The following GPC4 variants were observed in gnomAD, a reference collection of about 807,000 sequenced individuals.
GPC4 encodes glypican 4, also known as glypican-4.
A neutral mutation model predicts 35.0 loss-of-function variants in GPC4; 10 were observed. The observed-to-expected ratio is 0.29, with a 90% CI of 0.18 to 0.48. The LOEUF (loss-of-function observed/expected upper bound fraction) is 0.48. GPC4 is among the 20% of genes least tolerant of loss of function. GPC4 has a pLI of 0.99. For synonymous variants in GPC4, 167 were observed against 170.2 expected, an observed-to-expected ratio of 0.98 and a Z score of 0.15; for missense variants, 322 against 451.3, an observed-to-expected ratio of 0.71 and a Z score of 2.60.
intron 1 of GPC4, among the ~76,000 whole-genome samples, chrX:133,387,249 C>CAG (rs2068695510): frequency 8.9e-6 from 1 of 112,034 alleles, no homozygotes; most frequent in African/African-American, 3.2e-5. Flanking sequence ...TTTGGTCTCC[C>CAG]AGTATTTCCT....
chrX:133,406,279 T>A (rs757499899), intron 1 of GPC4, among the ~76,000 whole-genome samples: 8 of 112,478 alleles, frequency 7.1e-5, no homozygotes, highest in Non-Finnish European at 1.1e-4. Context: ...CAGTTGTGGT[T>A]CACACTTATA....
intron 1 of GPC4, among the ~76,000 whole-genome samples, chrX:133,394,921 G>T (rs186159393): frequency 9.0e-6 from 1 of 111,646 alleles, no homozygotes; most frequent in Non-Finnish European, 1.9e-5. Flanking sequence ...TGTCATTTAC[G>T]TAACAGCCTC....
intron 7 of GPC4, among the ~76,000 whole-genome samples, chrX:133,304,160 C>A (rs1201482375): frequency 9.2e-6 from 1 of 108,492 alleles, no homozygotes; most frequent in Non-Finnish European, 1.9e-5. Context: ...ATTAGCCAGG[C>A]ATGGTGGCAG....
intron 7 of GPC4, among the ~76,000 whole-genome samples, chrX:133,303,903 GAGGAAGGAAGGAAGGAAGGA>G (rs59442838): frequency 4.0e-5 from 3 of 75,409 alleles, no homozygotes; most frequent in African/African-American, 5.7e-5. Flanking sequence ...TACTCTGTTG[GAGGAAGGAAGGAAGGAAGGA>G]AGGAAGGAAG....
intron 3 of GPC4, among the ~76,000 whole-genome samples, chrX:133,316,207 T>C (rs1848465342): frequency 8.9e-6 from 1 of 111,901 alleles, no homozygotes; most frequent in Admixed American, 9.5e-5. Flanking sequence ...CTATTCTCAG[T>C]ACTCTACATG....
Position 133,347,248 on chromosome X carries a change from G to GTTTTTTTTTTT in GPC4, c.161-7918_161-7908dup, listed in dbSNP as rs763800349. ...TAAATCTAAAACTCTTCTATTAGAA[G>GTTTTTTTTTTT]TTTTTTTTTTTTTTTTTTTTTTTTT... is the stretch of plus-strand genomic sequence containing the variant. On this transcript the variant is annotated intron_variant, in intron 1 of 8. Coordinates refer to ENST00000370828, the MANE Select transcript of GPC4 (RefSeq NM_001448.3). Among the ~76,000 whole-genome samples the GTTTTTTTTTTT allele has an allele frequency of 3.5e-4, 9 of 25,426 alleles. 1 individual carries two copies. Among genetic ancestry groups the GTTTTTTTTTTT allele is most frequent in the African/African-American group, 1.1e-3 (8 of 7,192 alleles). 22.1% of individuals were successfully genotyped at this position (25,426 alleles called of 115,157 possible).
chrX:133,407,088 AT>A (rs759488295), intron 1 of GPC4, among the ~76,000 whole-genome samples: 4 of 105,245 alleles, frequency 3.8e-5, no homozygotes, highest in African/African-American at 1.5e-4. Flanking sequence ...AAAAAAAAAA[AT>A]ACACACACAC....
chrX:133,348,478 C>A (rs1288120972), intron 1 of GPC4, among the ~76,000 whole-genome samples: 1 of 112,662 alleles, frequency 8.9e-6, no homozygotes, highest in Non-Finnish European at 1.9e-5. Context: ...AAAAGGCTCA[C>A]AGAAGTGTGC....
chrX:133,388,610 C>A (rs956444597), intron 1 of GPC4, among the ~76,000 whole-genome samples: 1 of 108,319 alleles, frequency 9.2e-6, no homozygotes, highest in Non-Finnish European at 1.9e-5. Context: ...TCTCGGCTCA[C>A]GGCAAGCTCC....
intron 3 of GPC4, among the ~76,000 whole-genome samples, chrX:133,312,215 G>A (rs973253125): frequency 3.6e-5 from 4 of 111,164 alleles, no homozygotes; most frequent in African/African-American, 9.8e-5. Context: ...AAACCTGTAG[G>A]AGAGTACAGG....
intron 1 of GPC4, among the ~76,000 whole-genome samples, chrX:133,344,389 C>A (rs2068483287): frequency 9.3e-6 from 1 of 106,996 alleles, no homozygotes; most frequent in African/African-American, 3.4e-5. Context: ...CCACACCCGG[C>A]TAATTTTTTA....
chrX:133,331,944 G>C (rs1343720500), intron 2 of GPC4, among the ~76,000 whole-genome samples: 5 of 110,705 alleles, frequency 4.5e-5, no homozygotes, highest in African/African-American at 1.6e-4. Context: ...AGATATTTCA[G>C]TGACATTTTA....
At chrX:133,335,040 C>CT (rs2068435891) in intron 2 of GPC4, among the ~76,000 whole-genome samples, 1 of 111,744 alleles carries the variant, frequency 8.9e-6, no homozygotes, top group African/African-American at 3.3e-5. Context: ...GGGGGCGGGT[C>CT]TTTATGCTGT....
intron 1 of GPC4, among the ~76,000 whole-genome samples, chrX:133,381,433 C>T (rs966556124): frequency 8.9e-6 from 1 of 111,802 alleles, no homozygotes; most frequent in Non-Finnish European, 1.9e-5. Flanking sequence ...TGTAGAAATA[C>T]GCAAAACACA....
chrX:133,314,733 G>A (rs2068329371), intron 3 of GPC4, among the ~76,000 whole-genome samples: 1 of 111,990 alleles, frequency 8.9e-6, no homozygotes, highest in Non-Finnish European at 1.9e-5. Flanking sequence ...CACATGAAGG[G>A]AATTCAGAAT....
At chrX:133,392,746 C>T (rs2068725332) in intron 1 of GPC4, among the ~76,000 whole-genome samples, 1 of 110,337 alleles carries the variant, frequency 9.1e-6, no homozygotes, top group Non-Finnish European at 1.9e-5. Context: ...AAACTCTTTC[C>T]TCTCCTTCCG....
Position 133,343,202 on chromosome X carries a change from C to G in GPC4, c.161-3861G>C, listed in dbSNP as rs1469737729. Among the ~76,000 whole-genome samples, 8 of 112,061 alleles carry G rather than the reference C, an allele frequency of 7.1e-5. No homozygotes were observed. In the Admixed American group the frequency reaches 7.5e-4, roughly 11 times the overall value. ...CTTCTGAATTCCAGCTGTGGAACAG[C>G]TGAGTATAGCAGTTAACCAGTTAGT... On this transcript the variant is annotated intron_variant, in intron 1 of 8. Coordinates refer to ENST00000370828, the MANE Select transcript of GPC4 (RefSeq NM_001448.3).
At chrX:133,356,208 G>T (rs1221164807) in intron 1 of GPC4, among the ~76,000 whole-genome samples, 4 of 111,319 alleles carry the variant, frequency 3.6e-5, no homozygotes, top group Non-Finnish European at 7.5e-5. Flanking sequence ...GATTGTGGAG[G>T]GCAGATACTT....
At chrX:133,407,060 G>A (rs1255086067) in intron 1 of GPC4, among the ~76,000 whole-genome samples, 1 of 90,116 alleles carries the variant, frequency 1.1e-5, no homozygotes, top group East Asian at 3.6e-4. Context: ...TGGGTGACAA[G>A]AGCAAGACTC....
Sources: gnomAD v4.1 joint callset for allele counts (sites outside exome capture counted in the v4.1 genomes callset) on GRCh38, gnomAD v4.1.1 for gene constraint, MANE v1.5 for transcripts, NCBI Gene and HGNC (gene_info 2026-07-23, HGNC 2026-07-21) for gene names.